The following MCUR1 variants were observed in gnomAD, a reference collection of about 807,000 sequenced individuals.
MCUR1 encodes the protein mitochondrial calcium uniporter regulator 1, also known as MCU regulator 1.
In MCUR1, 37 loss-of-function variants were observed where a neutral mutation model predicts 42.0. The ratio of observed to expected loss-of-function variants is 0.88; its 90% CI spans 0.68 to 1.16. MCUR1 has a LOEUF of 1.16. MCUR1 is among the 50% of genes most tolerant of loss of function. The probability of loss-of-function intolerance (pLI) is 0.00; values close to 1 mark genes in which losing one functional copy is unlikely to be tolerated. For missense variants in MCUR1, 469 were observed against 468.4 expected (o/e 1.00, Z -0.01); for synonymous variants, 229 against 196.2 (o/e 1.17, Z -1.40).
At chr6:13,812,541 A>G (rs531723107) in intron 1 of MCUR1, among the ~76,000 whole-genome samples, 1 of 152,324 alleles carries the variant, frequency 6.6e-6, no homozygotes, top group South Asian at 2.1e-4. Context: ...AAGCGCAACA[A>G]AAGGCAAAAT....
intron 6 of MCUR1, among the ~76,000 whole-genome samples, chr6:13,795,093 T>C (rs1359223334): frequency 2.0e-5 from 3 of 148,544 alleles, no homozygotes; most frequent in Non-Finnish European, 4.5e-5. Flanking sequence ...TATAAAATAT[T>C]CTCCTGGGAC....
At chr6:13,804,211 T>A (rs1185464613) in intron 2 of MCUR1, 1 of 195,408 alleles carries the variant, frequency 5.1e-6, no homozygotes, top group Non-Finnish European at 1.1e-5. Context: ...TAATCCCAGC[T>A]ACTCAGGAGG....
In MCUR1 at chr6:13,790,322, T is replaced by C. The variant is rs557246488; in HGVS notation, c.*487A>G. On this transcript the variant is annotated 3_prime_UTR_variant, in exon 9 of 9. Transcript: ENST00000379170. ...GAAAGTCAACTAAGCAGAAAGGAGA[T>C]AAGGAATGGCTATGGAATACCTGAC... 1 of 154,652 alleles carries C rather than the reference T, an allele frequency of 6.5e-6. No homozygotes were observed. The highest frequency in any genetic ancestry group is 1.9e-4 in the East Asian group (1 of 5,218). 9.6% of individuals were successfully genotyped at this position (154,652 alleles called of 1,614,324 possible).
chr6:13,791,994 T>C lies in MCUR1; in HGVS notation c.910-2A>G. 6.2e-7 allele frequency: 1 copy of C among 1,611,484 alleles called. No homozygotes were observed. The highest frequency in any genetic ancestry group is 1.1e-5 in the South Asian group (1 of 90,992). Reference sequence around the variant, plus strand: ...AAGGGCCCGATCTTGCTGGGCATGCTTTTAAAATGAAGAGAGTCACAGCGT... The same window carrying C: ...AAGGGCCCGATCTTGCTGGGCATGCCTTTAAAATGAAGAGAGTCACAGCGT... On this transcript the variant is annotated splice_acceptor_variant, in intron 7 of 8. Coordinates refer to ENST00000379170, the MANE Select transcript of MCUR1 (RefSeq NM_001031713.4). LOFTEE classifies it high-confidence loss of function.
rs551838497 is a variant in MCUR1, at chr6:13,795,548, A to G, written c.856-1601T>C. ...AGAGCCAGAAAACTCATCTTCACCA[A>G]TGCATGTTACAAACACACTCGCTGT... On this transcript the variant is annotated intron_variant, in intron 6 of 8. Transcript: ENST00000379170. 7.9e-5 allele frequency among the ~76,000 whole-genome samples: 12 copies of G among 152,302 alleles called. No homozygotes were observed. In the South Asian group the frequency reaches 2.1e-3, roughly 26 times the overall value.
chr6:13,799,701 T>G lies in MCUR1; in HGVS notation c.783+640A>C, dbSNP rs150413820. Among the ~76,000 whole-genome samples, 1,434 of 152,186 alleles carry G rather than the reference T, an allele frequency of 9.4e-3. 13 individuals are homozygous for G. Among genetic ancestry groups the G allele is most frequent in the Non-Finnish European group, 0.016 (1,100 of 68,018 alleles). On this transcript the variant is annotated intron_variant, in intron 5 of 8. Coordinates refer to ENST00000379170, the MANE Select transcript of MCUR1 (RefSeq NM_001031713.4). ...AAAAAACATTAAATAGCTGGCACAG[T>G]AAGCATTTAAAAATCACGTGTGATT...
intron 6 of MCUR1, among the ~76,000 whole-genome samples, chr6:13,795,014 T>G (rs1031227121): frequency 9.1e-4 from 139 of 152,024 alleles, no homozygotes; most frequent in Non-Finnish European, 3.1e-4. Flanking sequence ...TGACGACTTT[T>G]AAGAACTACA....
Position 13,814,230 on chromosome 6 carries a change from G to C in MCUR1, c.200C>G (p.Ser67Ter). The change falls in exon 1 of 9, where the codon TCA (serine) becomes TGA (stop). Residue 67 changes from serine to a stop codon, truncating the protein, a stop_gained. Coordinates refer to ENST00000379170, the MANE Select transcript of MCUR1 (RefSeq NM_001031713.4). LOFTEE classifies it high-confidence loss of function. ...CACTAGCAGGAGGAGGAGCAGCGGT[G>C]AGGCACGTGACACGCCGCCGCGGGC... is the stretch of plus-strand genomic sequence containing the variant. ...PAARGGVSRA[S>*]PLLLLLLVPS... 1 of 1,466,406 alleles carries C rather than the reference G, an allele frequency of 6.8e-7. No individual in the cohort carries two copies. The allele number at this position is 1,466,406 out of a possible 1,614,324, so 90.8% of individuals were successfully genotyped here. A position where few individuals can be genotyped will look rare whatever the true frequency, so the allele number is the denominator to read the frequency against.
chr6:13,809,814 G>A (rs1021669090), intron 1 of MCUR1, among the ~76,000 whole-genome samples: 4 of 152,024 alleles, frequency 2.6e-5, no homozygotes, highest in African/African-American at 9.7e-5. Flanking sequence ...TGAGGCAGGA[G>A]GATGGCTTGA....
At chr6:13,797,784 G>A (rs1160597430) in intron 6 of MCUR1, among the ~76,000 whole-genome samples, 1 of 152,004 alleles carries the variant, frequency 6.6e-6, no homozygotes, top group Non-Finnish European at 1.5e-5. Context: ...AGCACTTTAG[G>A]AGGACAAGGT....
chr6:13,788,491 G>A lies in MCUR1; in HGVS notation c.*2318C>T, dbSNP rs1299381114. ...TCTCACCAGGAAGAACGACATGTGAGAAAACTTATAGCAGATGCAAAAATG... is the reference window on the plus strand; with the variant it reads ...TCTCACCAGGAAGAACGACATGTGAAAAAACTTATAGCAGATGCAAAAATG... On this transcript the variant is annotated 3_prime_UTR_variant, in exon 9 of 9. Transcript: ENST00000379170. The A allele has an allele frequency of 6.6e-6, 1 of 152,164 alleles. No homozygotes were observed. The highest frequency in any genetic ancestry group is 1.5e-5 in the Non-Finnish European group (1 of 68,042). The allele number at this position is 152,164 out of a possible 1,614,324, so 9.4% of individuals were successfully genotyped here.
intron 2 of MCUR1, among the ~76,000 whole-genome samples, chr6:13,802,913 T>G (rs1371527714): frequency 6.6e-6 from 1 of 152,212 alleles, no homozygotes; most frequent in Non-Finnish European, 1.5e-5. Context: ...GTTGGCTAAC[T>G]TCATGTTAAA....
intron 2 of MCUR1, among the ~76,000 whole-genome samples, chr6:13,805,392 G>A (rs191648007): frequency 6.6e-6 from 1 of 152,304 alleles, no homozygotes; most frequent in Admixed American, 6.5e-5. Context: ...TGTTTGACAG[G>A]AAAAGTTGTG....
chr6:13,805,835 A>G (rs1229152199), intron 2 of MCUR1, among the ~76,000 whole-genome samples: 1 of 152,246 alleles, frequency 6.6e-6, no homozygotes, highest in Non-Finnish European at 1.5e-5. Context: ...ATTTGTCTAA[A>G]TATGATTTAG....
rs906304032 is a variant in MCUR1, at chr6:13,797,224, G to C, written c.855+1609C>G. Among the ~76,000 whole-genome samples the C allele has an allele frequency of 5.9e-5, 9 of 152,168 alleles. 1 individual carries two copies. The highest frequency in any genetic ancestry group is 9.7e-5 in the African/African-American group (4 of 41,432). On this transcript the variant is annotated intron_variant, in intron 6 of 8. Coordinates refer to ENST00000379170, the MANE Select transcript of MCUR1 (RefSeq NM_001031713.4). ...ATGAGAAAACAACAAACAGTTGTGA[G>C]TACTCAGTTTCTGCATGTGTATTCA...
intron 6 of MCUR1, among the ~76,000 whole-genome samples, chr6:13,795,313 A>C (rs1584983501): frequency 6.6e-6 from 1 of 152,128 alleles, no homozygotes; most frequent in African/African-American, 2.4e-5. Context: ...GTGCACCACT[A>C]AACCTCAGTC....
intron 1 of MCUR1, among the ~76,000 whole-genome samples, chr6:13,812,879 T>C (rs1195374746): frequency 1.3e-5 from 2 of 152,218 alleles, no homozygotes; most frequent in Non-Finnish European, 2.9e-5. Flanking sequence ...ATCTAATAAA[T>C]TGATTCTATT....
chr6:13,807,145 CT>C, intron 1 of MCUR1, 101 bp from the exon 2 acceptor site: 1 of 1,281,568 alleles, frequency 7.8e-7, no homozygotes. Flanking sequence ...CTTCGTGGTA[CT>C]TTATAACAGC....
chr6:13,813,115 T>C (rs1316862211), intron 1 of MCUR1, among the ~76,000 whole-genome samples: 2 of 152,222 alleles, frequency 1.3e-5, no homozygotes, highest in African/African-American at 4.8e-5. Context: ...GTTTGTAGCC[T>C]AGGAGCACTA....
Sources: allele counts gnomAD v4.1 joint callset (sites outside exome capture counted in the v4.1 genomes callset), GRCh38; gene constraint gnomAD v4.1.1; transcripts MANE v1.5; gene names NCBI Gene and HGNC (gene_info 2026-07-23, HGNC 2026-07-21).